Variants in ZFYVE16 observed in about 807,000 individuals in gnomAD.
The protein encoded by ZFYVE16 is zinc finger FYVE domain-containing protein 16.
In ZFYVE16, 89 loss-of-function variants were observed where a neutral mutation model predicts 138.1. The observed-to-expected ratio is 0.64, with a 90% CI of 0.54 to 0.77. The LOEUF (loss-of-function observed/expected upper bound fraction) is 0.77, where lower values mean the gene tolerates loss of function less well. Ranked by LOEUF, ZFYVE16 falls within the 30% of genes least tolerant of loss-of-function variation. The probability of loss-of-function intolerance (pLI) is 0.00; values close to 1 mark genes in which losing one functional copy is unlikely to be tolerated. For synonymous variants in ZFYVE16, 596 were observed against 618.3 expected, an observed-to-expected ratio of 0.96 and a Z score of 0.53; for missense variants, 1,793 against 1,786.7, an observed-to-expected ratio of 1.00 and a Z score of -0.06.
chr5:80,442,966 TCAGA>T (rs1750887335), intron 5 of ZFYVE16, 153 bp from the exon 6 acceptor site: 1 of 667,230 alleles, frequency 1.5e-6, no homozygotes, highest in South Asian at 2.5e-5. Flanking sequence ...TGCTGGCTAC[TCAGA>T]CAGTATCTTT....
At chr5:80,412,415 A>G (rs183835884) in intron 1 of ZFYVE16, among the ~76,000 whole-genome samples, 16 of 152,256 alleles carry the variant, frequency 1.1e-4, no homozygotes, top group African/African-American at 3.8e-4. Context: ...TATTTCTTTT[A>G]TGTCTTATAC....
chr5:80,462,405 A>C (rs1188705556), intron 15 of ZFYVE16, among the ~76,000 whole-genome samples: 2 of 152,196 alleles, frequency 1.3e-5, no homozygotes, highest in African/African-American at 2.4e-5. Context: ...AGCCCCTTAT[A>C]AAACCATCAG....
chr5:80,447,232 A>G (rs1193099822), intron 7 of ZFYVE16, among the ~76,000 whole-genome samples: 1 of 137,138 alleles, frequency 7.3e-6, no homozygotes, highest in African/African-American at 2.6e-5. Flanking sequence ...GCGCCAATGT[A>G]CTGCAGCCTG....
chr5:80,437,381 C>T lies in ZFYVE16; in HGVS notation c.696C>T (p.Ile232=), dbSNP rs758419797. ...SGTENLKDKK[I]FNQLESIVDF... ...CAGAAAATTTAAAAGATAAAAAGAT[C>T]TTTAATCAGTTAGAATCAATTGTTG... Residue 232 remains isoleucine (I), a synonymous_variant, in exon 4 of 19, where the codon ATC becomes ATT. Coordinates refer to ENST00000505560, the MANE Select transcript of ZFYVE16 (RefSeq NM_001284236.3). The T allele has an allele frequency of 5.0e-6, 8 of 1,605,042 alleles. No homozygotes were observed. The highest frequency in any genetic ancestry group is 6.8e-6 in the Non-Finnish European group (8 of 1,177,034).
At position 80,413,576 on chromosome 5, in the gene ZFYVE16, C is replaced by CT. The variant is rs576850024; in HGVS notation, c.-94+5426dup. 5.9e-5 allele frequency among the ~76,000 whole-genome samples: 9 copies of CT among 152,100 alleles called. No individual in the cohort carries two copies. In the South Asian group the frequency reaches 1.9e-3, roughly 32 times the overall value. ...CAGAAGCAGTCTTTCTCAATCAGTG[C>CT]TTTCTGTCTGAATCACTGAACAAGA... On this transcript the variant is annotated intron_variant, in intron 1 of 18. Transcript: ENST00000505560.
chr5:80,426,303 T>G (rs1487677811), intron 1 of ZFYVE16, among the ~76,000 whole-genome samples: 1 of 149,504 alleles, frequency 6.7e-6, no homozygotes, highest in African/African-American at 2.5e-5. Context: ...TAATTAAATT[T>G]AAAGTTCCAG....
intron 15 of ZFYVE16, among the ~76,000 whole-genome samples, chr5:80,463,769 C>T (rs1753390241): frequency 6.6e-6 from 1 of 152,078 alleles, no homozygotes; most frequent in Non-Finnish European, 1.5e-5. Flanking sequence ...TTTTTAGAGC[C>T]CCCAAATCAC....
chr5:80,446,376 T>G (rs1751354590), intron 7 of ZFYVE16, among the ~76,000 whole-genome samples: 1 of 152,124 alleles, frequency 6.6e-6, no homozygotes, highest in Admixed American at 6.5e-5. Context: ...ATTAACTAAT[T>G]ACAAAATAAG....
rs377536999 is a variant in ZFYVE16, at chr5:80,479,691, C to T, written c.*2314C>T. Among the ~76,000 whole-genome samples, 8 of 152,098 alleles carry T rather than the reference C, an allele frequency of 5.3e-5. No homozygotes were observed. Among genetic ancestry groups the T allele is most frequent in the African/African-American group, 1.9e-4 (8 of 41,428 alleles). On this transcript the variant is annotated 3_prime_UTR_variant, in exon 19 of 19. Transcript: ENST00000505560. ...ATCTTAAAACATCAAAGAGATTTTC[C>T]AGACAATAAGGAATGCCAAGTCCAA...
chr5:80,473,617 C>A, intron 16 of ZFYVE16, 137 bp from the exon 17 acceptor site: 1 of 542,946 alleles, frequency 1.8e-6, no homozygotes, highest in Non-Finnish European at 3.1e-6. Flanking sequence ...ATGTGAACTA[C>A]AGATTTAGTT....
chr5:80,471,286 G>T (rs1754349759), intron 15 of ZFYVE16, among the ~76,000 whole-genome samples: 1 of 152,118 alleles, frequency 6.6e-6, no homozygotes, highest in Non-Finnish European at 1.5e-5. Context: ...TGGATTGTTT[G>T]TAACCAGCTT....
chr5:80,475,859 T>G (rs534258031), intron 18 of ZFYVE16, among the ~76,000 whole-genome samples: 3 of 152,246 alleles, frequency 2.0e-5, no homozygotes, highest in African/African-American at 7.2e-5. Context: ...GGCCTGAGTA[T>G]ATACGCAATA....
In ZFYVE16 at chr5:80,482,862, TC is replaced by T. The variant is rs1428085668; in HGVS notation, c.*5486del. The T allele has an allele frequency of 6.6e-6, 1 of 151,832 alleles. No individual in the cohort carries two copies. Among genetic ancestry groups the T allele is most frequent in the Non-Finnish European group, 1.5e-5 (1 of 67,946 alleles). The allele number at this position is 151,832 out of a possible 1,614,324, so 9.4% of individuals were successfully genotyped here. A position where few individuals can be genotyped will look rare whatever the true frequency, so the allele number is the denominator to read the frequency against. ...TGAAATAAAGACATTTTCTTTTTTT[TC>T]TTTACTTTTTTTTTTTTTATGAGAT... On this transcript the variant is annotated 3_prime_UTR_variant, in exon 19 of 19. Coordinates refer to ENST00000505560, the MANE Select transcript of ZFYVE16 (RefSeq NM_001284236.3).
chr5:80,473,044 C>T (rs1754543665), intron 16 of ZFYVE16, 121 bp downstream of exon 16: 1 of 924,350 alleles, frequency 1.1e-6, no homozygotes, highest in East Asian at 2.8e-5. Context: ...AATTTAAATG[C>T]CTTTACTCAA....
At chr5:80,444,150 A>T (rs919736760) in intron 6 of ZFYVE16, among the ~76,000 whole-genome samples, 4 of 152,128 alleles carry the variant, frequency 2.6e-5, no homozygotes, top group African/African-American at 9.7e-5. Flanking sequence ...GGCAAATTTG[A>T]ATCCTATTTT....
chr5:80,418,400 A>C (rs1404171007), intron 1 of ZFYVE16, among the ~76,000 whole-genome samples: 2 of 146,354 alleles, frequency 1.4e-5, no homozygotes, highest in East Asian at 4.1e-4. Context: ...GTAACCTTCA[A>C]CTCCTGGGCT....
rs148683637 is a variant in ZFYVE16 at position 80,417,915 on chromosome 5, A to G, written c.-93-9577A>G. 2.0e-3 allele frequency among the ~76,000 whole-genome samples: 306 copies of G among 152,322 alleles called. 2 individuals are homozygous for G. The highest frequency in any genetic ancestry group is 7.0e-3 in the African/African-American group (292 of 41,588). On this transcript the variant is annotated intron_variant, in intron 1 of 18. Coordinates refer to ENST00000505560, the MANE Select transcript of ZFYVE16 (RefSeq NM_001284236.3). The stretch of plus-strand genomic sequence containing the variant: ...CGCCAAATAGTCTTCCAAAGCAGCT[A>G]TACCATTTTGCATTCTCACTGGCAA...
intron 6 of ZFYVE16, among the ~76,000 whole-genome samples, 162 bp from the exon 7 acceptor site, chr5:80,445,101 A>AGT (rs1340215439): frequency 6.6e-6 from 1 of 152,242 alleles, no homozygotes; most frequent in Non-Finnish European, 1.5e-5. Context: ...CTTAGGATAG[A>AGT]GGAATCACAA....
chr5:80,442,081 A>T (rs1201770030), intron 5 of ZFYVE16: 1 of 341,054 alleles, frequency 2.9e-6, no homozygotes, highest in African/African-American at 2.2e-5. Flanking sequence ...AGAGTGATAG[A>T]TAGTTAACAG....
Sources: allele counts gnomAD v4.1 joint callset (sites outside exome capture counted in the v4.1 genomes callset), GRCh38; gene constraint gnomAD v4.1.1; transcripts MANE v1.5; gene names NCBI Gene and HGNC (gene_info 2026-07-23, HGNC 2026-07-21).